OARD1: variants seen among roughly 807,000 people sequenced by gnomAD.
OARD1 encodes the protein O-acyl-ADP-ribose deacylase 1.
OARD1 carries 19 observed loss-of-function variants against 19.7 expected under a neutral mutation model. That is an observed-to-expected ratio of 0.96 (90% CI 0.67 to 1.41). The LOEUF is 1.41. OARD1 is among the 40% of genes most tolerant of loss of function. The pLI is 0.00. For missense variants in OARD1, 190 were observed against 183.8 expected, an observed-to-expected ratio of 1.03 and a Z score of -0.20; for synonymous variants, 70 against 61.8, an observed-to-expected ratio of 1.13 and a Z score of -0.62.
chr6:41,080,196 C>G (rs1220705636), intron 1 of OARD1, among the ~76,000 whole-genome samples: 1 of 152,144 alleles, frequency 6.6e-6, no homozygotes, highest in Admixed American at 6.5e-5. Context: ...TGCCTGTAAT[C>G]CCAGCTACTC....
chr6:41,081,630 T>G lies in OARD1; in HGVS notation c.-41-9955A>C, dbSNP rs1763908801. Among the ~76,000 whole-genome samples the G allele has an allele frequency of 6.6e-5, 10 of 152,378 alleles. No homozygotes were observed. The South Asian group carries it at 2.1e-3, about 32-fold the overall frequency. On this transcript the variant is annotated intron_variant, in intron 1 of 4. Coordinates refer to the OARD1 transcript ENST00000480585. ...ACATAAACTAGGCTAGGCTGTGCTT[T>G]ATTTTTATTCAAGGGGCAACTCAAC... is the stretch of plus-strand genomic sequence containing the variant.
intron 1 of OARD1, chr6:41,089,704 G>C (rs778810801): frequency 6.2e-7 from 1 of 1,611,546 alleles, no homozygotes; most frequent in Non-Finnish European, 8.5e-7. Flanking sequence ...CTGCTGGCCA[G>C]ACTCAGGTAA....
chr6:41,067,411 T>G lies in OARD1; in HGVS notation c.383A>C (p.Gln128Pro), dbSNP rs745434047. The G allele has an allele frequency of 6.2e-7, 1 of 1,613,570 alleles. No individual in the cohort carries two copies. The highest frequency in any genetic ancestry group is 2.2e-5 in the East Asian group (1 of 44,874). ...GATCATCGCAGATACATTTTCCCAT[T>G]GCAGACGATCAAGACCACATCCAAT... ...PRIGCGLDRL[Q>P]WENVSAMIEE... The change falls in exon 6 of 6, where the codon CAA (glutamine) becomes CCA (proline). Residue 128 changes from glutamine to proline, a missense_variant. By Grantham distance (76) the Gln-to-Pro change is moderately conservative (BLOSUM62 -1). Coordinates refer to ENST00000424266, the MANE Select transcript of OARD1 (RefSeq NM_001329686.2).
At chr6:41,078,672 TAAA>T (rs1180378467) in intron 1 of OARD1, among the ~76,000 whole-genome samples, 1 of 152,220 alleles carries the variant, frequency 6.6e-6, no homozygotes, top group East Asian at 1.9e-4. Flanking sequence ...TGTTACAACT[TAAA>T]GAAGCTTTAT....
At chr6:41,080,718 C>A in intron 1 of OARD1, 1 of 1,019,194 alleles carries the variant, frequency 9.8e-7, no homozygotes. Flanking sequence ...TTCAGGCTTC[C>A]GTCTCTCTCC....
intron 1 of OARD1, among the ~76,000 whole-genome samples, chr6:41,083,288 C>G (rs1763957210): frequency 6.6e-6 from 1 of 152,192 alleles, no homozygotes; most frequent in South Asian, 2.1e-4. Flanking sequence ...GTACACTTGA[C>G]TGCTCTGTGT....
intron 4 of OARD1, 45 bp from the exon 5 acceptor site, chr6:41,068,998 C>T: frequency 9.5e-7 from 1 of 1,047,382 alleles, no homozygotes; most frequent in South Asian, 1.5e-5. Context: ...AAATGATAGC[C>T]AAAGAAAAGT....
intron 1 of OARD1, 154 bp from the exon 2 acceptor site, chr6:41,071,829 T>C (rs1225585874): frequency 3.6e-6 from 2 of 560,626 alleles, no homozygotes; most frequent in Non-Finnish European, 3.2e-6. Context: ...AAAACCCTTC[T>C]GGGGCAAAGA....
At chr6:41,083,368 G>A (rs914875853) in intron 1 of OARD1, among the ~76,000 whole-genome samples, 1 of 152,212 alleles carries the variant, frequency 6.6e-6, no homozygotes, top group African/African-American at 2.4e-5. Flanking sequence ...GGCCAGTGAG[G>A]AATTCCACCA....
chr6:41,070,621 T>C (rs1442576843), intron 3 of OARD1, among the ~76,000 whole-genome samples: 2 of 152,232 alleles, frequency 1.3e-5, no homozygotes, highest in Non-Finnish European at 2.9e-5. Flanking sequence ...TACAAAGCAG[T>C]AAGAATTGCT....
intron 4 of OARD1, 63 bp downstream of exon 4, chr6:41,070,013 C>T (rs1763243886): frequency 1.0e-6 from 1 of 965,066 alleles, no homozygotes; most frequent in Non-Finnish European, 1.7e-6. Flanking sequence ...CCCATCTGTT[C>T]ACAAATCCTT....
At chr6:41,083,415 A>T (rs1417430243) in intron 1 of OARD1, among the ~76,000 whole-genome samples, 1 of 152,246 alleles carries the variant, frequency 6.6e-6, no homozygotes, top group Non-Finnish European at 1.5e-5. Context: ...GCTTTTAAGA[A>T]ATCTTTAGTA....
chr6:41,090,125 T>G, intron 1 of OARD1: 1 of 983,226 alleles, frequency 1.0e-6, no homozygotes, highest in Non-Finnish European at 1.6e-6. Context: ...AAAAAATAAT[T>G]TTTTTTTTTA....
intron 5 of OARD1, 41 bp downstream of exon 5, chr6:41,068,800 C>T (rs369914788): frequency 2.2e-5 from 23 of 1,059,138 alleles, no homozygotes; most frequent in Non-Finnish European, 3.1e-5. Flanking sequence ...TAAACCCCAC[C>T]AATCAATTAA....
chr6:41,086,612 A>C (rs1290309632), intron 1 of OARD1, among the ~76,000 whole-genome samples: 1 of 152,118 alleles, frequency 6.6e-6, no homozygotes, highest in Non-Finnish European at 1.5e-5. Flanking sequence ...TTAGAATCCT[A>C]GTAAAGCTTG....
chr6:41,092,678 T>C (rs563816079), intron 1 of OARD1, among the ~76,000 whole-genome samples: 3 of 152,294 alleles, frequency 2.0e-5, no homozygotes, highest in African/African-American at 7.2e-5. Context: ...TAGGGCATGG[T>C]TATATAGTTT....
In OARD1 at chr6:41,069,870, C is replaced by T. The variant is rs867060538; in HGVS notation, c.243+206G>A. The T allele has an allele frequency of 1.2e-4, 75 of 631,314 alleles. No homozygotes were observed. The African/African-American group carries it at 1.3e-3, about 11-fold the overall frequency. 39.1% of individuals were successfully genotyped at this position (631,314 alleles called of 1,614,324 possible). A position where few individuals can be genotyped will look rare whatever the true frequency, so the allele number is the denominator to read the frequency against. ...ACTTTCCCACAGAGCTGGGATGCAG[C>T]CTCACATTTCTTTCTAACCCAGTGC... On this transcript the variant is annotated intron_variant, in intron 4 of 5. Coordinates refer to ENST00000424266, the MANE Select transcript of OARD1 (RefSeq NM_001329686.2).
At chr6:41,081,429 G>A (rs546307702) in intron 1 of OARD1, among the ~76,000 whole-genome samples, 1 of 151,828 alleles carries the variant, frequency 6.6e-6, no homozygotes, top group East Asian at 1.9e-4. Context: ...GGCAGAGCTT[G>A]CAGTGAGCAG....
rs972526586 is a variant in OARD1, at chr6:41,071,487, G to A, written c.39+109C>T. 6 of 1,124,068 alleles carry A rather than the reference G, an allele frequency of 5.3e-6. No individual in the cohort carries two copies. In the African/African-American group the frequency reaches 9.3e-5, roughly 17 times the overall value. The allele number at this position is 1,124,068 out of a possible 1,614,324, so 69.6% of individuals were successfully genotyped here. A position where few individuals can be genotyped will look rare whatever the true frequency, so the allele number is the denominator to read the frequency against. Reference sequence around the variant, plus strand: ...GAGCCTTTTTAAAGTAAATCAGCTAGAGAGAAAAAAAGATAATGCAATCAT... The same window carrying A: ...GAGCCTTTTTAAAGTAAATCAGCTAAAGAGAAAAAAAGATAATGCAATCAT... On this transcript the variant is annotated intron_variant, in intron 2 of 5. Coordinates refer to ENST00000424266, the MANE Select transcript of OARD1 (RefSeq NM_001329686.2).
Sources: allele counts gnomAD v4.1 joint callset (sites outside exome capture counted in the v4.1 genomes callset), GRCh38; gene constraint gnomAD v4.1.1; transcripts MANE v1.5; gene names NCBI Gene and HGNC (gene_info 2026-07-23, HGNC 2026-07-21).